C12orf42: variants seen among roughly 807,000 people sequenced by gnomAD.
The protein encoded by C12orf42 is chromosome 12 open reading frame 42, also known as uncharacterized protein C12orf42.
Under a neutral mutation model 21.6 loss-of-function variants are expected in C12orf42, and 25 were observed. That is an observed-to-expected ratio of 1.16 (90% CI 0.84 to 1.62). The LOEUF (loss-of-function observed/expected upper bound fraction) is 1.62, where lower values mean the gene tolerates loss of function less well. Among genes scored for constraint, C12orf42 ranks in the 40% most tolerant of loss-of-function variants. The pLI, the probability that C12orf42 is intolerant of heterozygous loss-of-function variation, is 0.00. For missense variants in C12orf42, 483 were observed against 459.3 expected (o/e 1.05, Z -0.47); for synonymous variants, 174 against 175.0 (o/e 0.99, Z 0.05).
intron 4 of C12orf42, among the ~76,000 whole-genome samples, chr12:103,290,625 G>A (rs567347971): frequency 1.3e-5 from 2 of 152,134 alleles, no homozygotes; most frequent in Non-Finnish European, 2.9e-5. Flanking sequence ...AAGTGGGGAG[G>A]GGACTTACCC....
At chr12:103,191,570 A>AAAAAAAAAAAAAAAAAC in the C12orf42 span, among the ~76,000 whole-genome samples, 4 of 129,022 alleles carry the variant, frequency 3.1e-5, no homozygotes, top group African/African-American at 1.2e-4. Context: ...AAAAAAAAAA[A>AAAAAAAAAAAAAAAAAC]AAAATACAAA....
the C12orf42 span, among the ~76,000 whole-genome samples, chr12:103,188,852 C>A: frequency 1.3e-5 from 2 of 152,192 alleles, no homozygotes; most frequent in Non-Finnish European, 2.9e-5. Context: ...CAAAATAAAC[C>A]TCTTTTCTTT....
chr12:103,562,358 G>A, the C12orf42 span, among the ~76,000 whole-genome samples: 14 of 152,116 alleles, frequency 9.2e-5, no homozygotes, highest in East Asian at 5.8e-4. Context: ...TCAATTGATC[G>A]TTTCCTGTAT....
At chr12:103,236,684 C>A (rs939272325), downstream of C12orf42, among the ~76,000 whole-genome samples, 1 of 152,078 alleles carries the variant, frequency 6.6e-6, no homozygotes, top group Non-Finnish European at 1.5e-5. Flanking sequence ...CCCCCTCTGT[C>A]ATTAATGAGA....
the C12orf42 span, among the ~76,000 whole-genome samples, chr12:103,104,474 C>T: frequency 6.6e-6 from 1 of 152,170 alleles, no homozygotes; most frequent in Admixed American, 6.5e-5. Flanking sequence ...TGGAGTCTCA[C>T]TCTGTTGCCA....
At chr12:103,527,041 C>A in the C12orf42 span, among the ~76,000 whole-genome samples, 1 of 151,986 alleles carries the variant, frequency 6.6e-6, no homozygotes, top group African/African-American at 2.4e-5. Flanking sequence ...CTCAGAGAAC[C>A]CAATTGACTT....
the C12orf42 span, among the ~76,000 whole-genome samples, chr12:103,086,167 A>G: frequency 6.6e-6 from 1 of 152,118 alleles, no homozygotes; most frequent in African/African-American, 2.4e-5. Flanking sequence ...GCATTCCCCA[A>G]CATCCATTTG....
intron 4 of C12orf42, among the ~76,000 whole-genome samples, chr12:103,310,763 T>C (rs1472479630): frequency 2.0e-5 from 3 of 152,272 alleles, no homozygotes; most frequent in Non-Finnish European, 4.4e-5. Context: ...TCATTTTAAT[T>C]GGTTGCCTCA....
At chr12:103,484,863 G>GTT (rs56025837) in intron 1 of C12orf42, among the ~76,000 whole-genome samples, 3,218 of 71,696 alleles carry the variant, frequency 0.045, 206 homozygotes, top group African/African-American at 0.1. Flanking sequence ...TCTGGTTTCA[G>GTT]TTTTTTTTTT....
At chr12:103,165,467 A>G in the C12orf42 span, among the ~76,000 whole-genome samples, 1 of 152,198 alleles carries the variant, frequency 6.6e-6, no homozygotes, top group South Asian at 2.1e-4. Context: ...GAAGTGAGGG[A>G]GAGGATTGCA....
At chr12:103,413,212 C>A (rs571601323) in intron 2 of C12orf42, among the ~76,000 whole-genome samples, 117 of 152,266 alleles carry the variant, frequency 7.7e-4, no homozygotes, top group African/African-American at 2.8e-3. Flanking sequence ...AATAAGGAGT[C>A]CTTTCCCCAT....
At chr12:103,493,606 A>G (rs980602296) in intron 1 of C12orf42, among the ~76,000 whole-genome samples, 1 of 151,452 alleles carries the variant, frequency 6.6e-6, no homozygotes, top group African/African-American at 2.4e-5. Context: ...ACCTCCCTCA[A>G]CTTGTAGCTC....
chr12:103,541,590 G>T, the C12orf42 span, among the ~76,000 whole-genome samples: 1 of 152,068 alleles, frequency 6.6e-6, no homozygotes, highest in East Asian at 1.9e-4. Flanking sequence ...GTTAATTAAT[G>T]ACTTTTCCTG....
intron 4 of C12orf42, among the ~76,000 whole-genome samples, chr12:103,322,112 TGCGCGC>T (rs749823979): frequency 8.7e-5 from 6 of 68,674 alleles, no homozygotes; most frequent in East Asian, 7.1e-4. Flanking sequence ...CGCGCGTGCG[TGCGCGC>T]GCGCGCGCAC....
chr12:103,100,556 A>G, the C12orf42 span, among the ~76,000 whole-genome samples: 1 of 152,208 alleles, frequency 6.6e-6, no homozygotes, highest in South Asian at 2.1e-4. Context: ...ATAGGCCCAG[A>G]ACCACCCGGA....
Position 103,305,992 on chromosome 12 carries a change from T to C in C12orf42, c.613A>G (p.Ser205Gly). 1 of 1,602,462 alleles carries C rather than the reference T, an allele frequency of 6.2e-7. No homozygotes were observed. Among genetic ancestry groups the C allele is most frequent in the Admixed American group, 1.7e-5 (1 of 59,642 alleles). ...TACTTACCAGAATTTTTCTTGGGAC[T>C]GCTCAAGGGCTGGCCCTTAGGTCTT... ...HTRPKGQPLS[S>G]PKKNSGSAAR... Residue 205 changes from serine (S) to glycine (G), a missense_variant, in exon 5 of 6, where the codon AGT (serine) becomes GGT (glycine). Ser to Gly is a moderately conservative substitution (Grantham distance 56). Coordinates refer to ENST00000548883, the MANE Select transcript of C12orf42 (RefSeq NM_198521.5).
At chr12:103,106,900 C>T in the C12orf42 span, among the ~76,000 whole-genome samples, 5 of 151,640 alleles carry the variant, frequency 3.3e-5, no homozygotes, top group East Asian at 7.7e-4. Context: ...AGAGACATTC[C>T]TGAAATATAA....
chr12:103,475,874 T>A (rs960879482), intron 2 of C12orf42, among the ~76,000 whole-genome samples: 1 of 152,226 alleles, frequency 6.6e-6, no homozygotes, highest in African/African-American at 2.4e-5. Context: ...CTAGGCCAGA[T>A]GAAGCCTCAG....
At chr12:103,505,795 T>C in the C12orf42 span, among the ~76,000 whole-genome samples, 11 of 152,194 alleles carry the variant, frequency 7.2e-5, no homozygotes, top group African/African-American at 2.7e-4. Context: ...GTGGTCTGGC[T>C]TCTCCGCTTG....
Sources: gnomAD v4.1 joint callset for allele counts (sites outside exome capture counted in the v4.1 genomes callset) on GRCh38, gnomAD v4.1.1 for gene constraint, MANE v1.5 for transcripts, NCBI Gene and HGNC (gene_info 2026-07-23, HGNC 2026-07-21) for gene names.